Variants in FARS2 observed in about 807,000 individuals in gnomAD.
The protein encoded by FARS2 is phenylalanyl-tRNA synthetase 2, mitochondrial.
FARS2 carries 40 observed loss-of-function variants against 46.4 expected under a neutral mutation model. The ratio of observed to expected loss-of-function variants is 0.86; its 90% confidence interval spans 0.67 to 1.12. The LOEUF (loss-of-function observed/expected upper bound fraction) is 1.12, where lower values mean the gene tolerates loss of function less well. FARS2 is among the 50% of genes most tolerant of loss of function. The pLI, the probability that FARS2 is intolerant of heterozygous loss-of-function variation, is 0.00. For synonymous variants in FARS2, 234 were observed against 214.9 expected (o/e 1.09, Z -0.78); for missense variants, 513 against 567.9 (o/e 0.90, Z 0.98).
intron 4 of FARS2, among the ~76,000 whole-genome samples, chr6:5,512,603 A>G (rs1220981290): frequency 1.3e-5 from 2 of 152,042 alleles, no homozygotes; most frequent in Non-Finnish European, 2.9e-5. Context: ...GTCTGAAAAC[A>G]TTACTCAGCA....
intron 4 of FARS2, among the ~76,000 whole-genome samples, chr6:5,480,665 T>G (rs1326132428): frequency 6.6e-6 from 1 of 152,214 alleles, no homozygotes; most frequent in East Asian, 1.9e-4. Flanking sequence ...AGTCCTGCCC[T>G]TTGCTATCTC....
the FARS2 span, among the ~76,000 whole-genome samples, chr6:5,252,688 GTTTTGGT>G: frequency 6.6e-6 from 1 of 152,096 alleles, no homozygotes; most frequent in Non-Finnish European, 1.5e-5. Context: ...ACGTAATGAA[GTTTTGGT>G]CAATGAGCAA....
intron 1 of FARS2, among the ~76,000 whole-genome samples, chr6:5,362,575 A>T (rs1050458205): frequency 2.6e-5 from 4 of 152,166 alleles, no homozygotes; most frequent in African/African-American, 9.7e-5. Flanking sequence ...TGCTGATTTC[A>T]TTTCCTGTGT....
intron 3 of FARS2, among the ~76,000 whole-genome samples, chr6:5,412,913 A>G (rs1338440948): frequency 6.6e-6 from 1 of 152,194 alleles, no homozygotes; most frequent in Non-Finnish European, 1.5e-5. Context: ...AGTCTAGAGC[A>G]GGTTGCTCTT....
chr6:5,279,713 G>A (rs1766593824), intron 1 of FARS2, among the ~76,000 whole-genome samples: 1 of 152,008 alleles, frequency 6.6e-6, no homozygotes, highest in African/African-American at 2.4e-5. Flanking sequence ...GATGGTGTAA[G>A]TTCTAGTCCA....
chr6:5,757,096 A>G lies in FARS2; in HGVS notation c.1218-14195A>G, dbSNP rs547725047. 2.0e-5 allele frequency among the ~76,000 whole-genome samples: 3 copies of G among 152,332 alleles called. No individual in the cohort carries two copies. In the South Asian group the frequency reaches 6.2e-4, roughly 32 times the overall value. On this transcript the variant is annotated intron_variant, in intron 6 of 6. Transcript: ENST00000274680. Reference sequence around the variant, plus strand: ...TATTAAATTCTGCCTAAGCATTCATAATAGACAGACTTCAACTTGAGAAAG... The same window carrying G: ...TATTAAATTCTGCCTAAGCATTCATGATAGACAGACTTCAACTTGAGAAAG...
chr6:5,540,532 A>C (rs1770561313), intron 4 of FARS2, among the ~76,000 whole-genome samples: 1 of 152,164 alleles, frequency 6.6e-6, no homozygotes, highest in Non-Finnish European at 1.5e-5. Context: ...ATTCATTCGC[A>C]CTGTCGTGTC....
intron 6 of FARS2, among the ~76,000 whole-genome samples, chr6:5,761,907 G>A (rs1268017698): frequency 6.6e-6 from 1 of 151,980 alleles, no homozygotes; most frequent in African/African-American, 2.4e-5. Context: ...AGGGAGGGCA[G>A]AAACCAATCA....
intron 5 of FARS2, among the ~76,000 whole-genome samples, chr6:5,601,311 C>T (rs1011708519): frequency 8.5e-4 from 129 of 152,002 alleles, no homozygotes; most frequent in African/African-American, 3.0e-3. Flanking sequence ...CACCCAAGGT[C>T]GGGAGTTCGA....
intron 2 of FARS2, among the ~76,000 whole-genome samples, chr6:5,372,010 G>GT (rs1759094075): frequency 6.6e-6 from 1 of 151,944 alleles, no homozygotes; most frequent in Non-Finnish European, 1.5e-5. Flanking sequence ...AAGAAAGTTG[G>GT]TACAGCAATA....
intron 4 of FARS2, among the ~76,000 whole-genome samples, chr6:5,500,665 C>G (rs899299424): frequency 2.0e-5 from 3 of 152,094 alleles, no homozygotes; most frequent in African/African-American, 4.8e-5. Context: ...TTAGACAAAC[C>G]TAGGTTTAAT....
At chr6:5,708,377 C>T (rs939363522) in intron 6 of FARS2, among the ~76,000 whole-genome samples, 1 of 152,154 alleles carries the variant, frequency 6.6e-6, no homozygotes, top group Non-Finnish European at 1.5e-5. Flanking sequence ...CACTGGCCAG[C>T]TCACACATTA....
Position 5,557,204 on chromosome 6 carries a change from G to A in FARS2, c.1065+11864G>A, listed in dbSNP as rs986504957. Among the ~76,000 whole-genome samples the A allele has an allele frequency of 2.6e-5, 4 of 152,064 alleles. 1 individual carries two copies. Among genetic ancestry groups the A allele is most frequent in the African/African-American group, 9.7e-5 (4 of 41,354 alleles). On this transcript the variant is annotated intron_variant, in intron 5 of 6. Transcript: ENST00000274680. ...AGTAATTGTTACAGGGTGGCAGGAG[G>A]GATGACTTTGGCTTCAACCAAGAGA...
chr6:5,638,494 G>A (rs1776651916), intron 6 of FARS2, among the ~76,000 whole-genome samples: 1 of 152,214 alleles, frequency 6.6e-6, no homozygotes, highest in Non-Finnish European at 1.5e-5. Context: ...GAACCCGGGA[G>A]GCAGAGGCTG....
At chr6:5,584,870 G>A (rs964826953) in intron 5 of FARS2, among the ~76,000 whole-genome samples, 1 of 152,154 alleles carries the variant, frequency 6.6e-6, no homozygotes, top group African/African-American at 2.4e-5. Context: ...AGAGTGGGGA[G>A]ATATCGATGG....
intron 2 of FARS2, among the ~76,000 whole-genome samples, chr6:5,378,247 C>G (rs1177794399): frequency 1.3e-5 from 2 of 151,954 alleles, no homozygotes; most frequent in African/African-American, 2.4e-5. Flanking sequence ...CGTTTGAGAA[C>G]CACTGTCCTC....
chr6:5,272,052 A>C (rs920139314), intron 1 of FARS2, among the ~76,000 whole-genome samples: 1 of 152,164 alleles, frequency 6.6e-6, no homozygotes, highest in African/African-American at 2.4e-5. Flanking sequence ...CATGTTTTAA[A>C]TGGGTGTGTT....
chr6:5,374,089 G>A (rs1486374019), intron 2 of FARS2, among the ~76,000 whole-genome samples: 1 of 152,040 alleles, frequency 6.6e-6, no homozygotes, highest in Non-Finnish European at 1.5e-5. Flanking sequence ...AAAACGATCT[G>A]ATGTCTGTGA....
At chr6:5,502,798 A>G (rs1767876692) in intron 4 of FARS2, among the ~76,000 whole-genome samples, 1 of 152,240 alleles carries the variant, frequency 6.6e-6, no homozygotes, top group African/African-American at 2.4e-5. Context: ...ATCTTGGCTC[A>G]GTTAGCAAAA....
Sources: allele counts gnomAD v4.1 joint callset (sites outside exome capture counted in the v4.1 genomes callset), GRCh38; gene constraint gnomAD v4.1.1; transcripts MANE v1.5; gene names NCBI Gene and HGNC (gene_info 2026-07-23, HGNC 2026-07-21).